The following FAM76A variants were observed in gnomAD, a reference collection of about 807,000 sequenced individuals.
FAM76A encodes the protein protein FAM76A.
In FAM76A, 32 loss-of-function variants were observed where a neutral mutation model predicts 46.2. The ratio of observed to expected loss-of-function variants is 0.69; its 90% CI spans 0.52 to 0.93. FAM76A has a LOEUF of 0.93. FAM76A is among the 40% of genes least tolerant of loss of function. The pLI is 0.00. For synonymous variants in FAM76A, 137 were observed against 127.0 expected (o/e 1.08, Z -0.53); for missense variants, 274 against 361.5 (o/e 0.76, Z 1.96).
intron 3 of FAM76A, 42 bp downstream of exon 3, chr1:27,732,699 C>A: frequency 1.4e-6 from 2 of 1,472,522 alleles, no homozygotes; most frequent in South Asian, 1.3e-5. Flanking sequence ...GTACTAGGGT[C>A]TTGTGGAACC....
intron 7 of FAM76A, 55 bp from the exon 8 acceptor site, chr1:27,759,471 A>G (rs2088466808): frequency 1.6e-6 from 2 of 1,283,014 alleles, no homozygotes; most frequent in Non-Finnish European, 1.1e-6. Context: ...TCTGAAAGCA[A>G]TTTTTTTTTA....
At chr1:27,747,790 C>T (rs1005500101) in intron 5 of FAM76A, among the ~76,000 whole-genome samples, 41 of 152,118 alleles carry the variant, frequency 2.7e-4, no homozygotes, top group African/African-American at 6.7e-4. Flanking sequence ...GTGGCTGGCG[C>T]GCACCTGTAG....
chr1:27,749,687 T>A (rs933752680), intron 6 of FAM76A, among the ~76,000 whole-genome samples: 6 of 152,170 alleles, frequency 3.9e-5, no homozygotes, highest in African/African-American at 1.4e-4. Flanking sequence ...AGTCCAGAGC[T>A]GGATGCTTTT....
intron 6 of FAM76A, among the ~76,000 whole-genome samples, chr1:27,749,400 C>T (rs1292302649): frequency 6.6e-6 from 1 of 152,174 alleles, no homozygotes; most frequent in African/African-American, 2.4e-5. Flanking sequence ...GACAGTCTCA[C>T]TCTGTCACTC....
Position 27,755,205 on chromosome 1 carries a change from G to A in FAM76A, c.610G>A (p.Asp204Asn). The stretch of plus-strand genomic sequence containing the variant: ...GATTTTTAAATTTAGCTTCTCCCCA[G>A]ACCTGGCTCTGGACTCACCAGGCAC... ...ITTNGDSFSPDLALDSPGTDH... is the reference protein window; with the variant it reads ...ITTNGDSFSPNLALDSPGTDH... The change falls in exon 7 of 9, where the codon GAC becomes AAC. Residue 204 changes from aspartate to asparagine, a missense_variant. By Grantham distance (23) the Asp-to-Asn change is conservative. Transcript: ENST00000373954. 6.2e-7 allele frequency: 1 copy of A among 1,614,118 alleles called. No homozygotes were observed. The highest frequency in any genetic ancestry group is 8.5e-7 in the Non-Finnish European group (1 of 1,180,038).
At chr1:27,738,586 C>G (rs1027939682) in intron 4 of FAM76A, among the ~76,000 whole-genome samples, 1 of 152,026 alleles carries the variant, frequency 6.6e-6, no homozygotes, top group Non-Finnish European at 1.5e-5. Flanking sequence ...TTCATTGTTA[C>G]GTTTCTTAAC....
Position 27,748,946 on chromosome 1 carries a change from A to G in FAM76A, c.513-122A>G, listed in dbSNP as rs7556193. The G allele has an allele frequency of 2.2e-3, 1,295 of 591,298 alleles. 18 individuals are homozygous for G. In the African/African-American group the frequency reaches 0.023, roughly 10 times the overall value. 36.6% of individuals were successfully genotyped at this position (591,298 alleles called of 1,614,324 possible). On this transcript the variant is annotated intron_variant, in intron 5 of 8. Transcript: ENST00000373954. ...TTGGTAGATTCTTTATTAATCAAGA[A>G]TTATTAGCTCTTGCATAGAAGAGCT...
At chr1:27,734,270 G>A (rs1303816932) in intron 4 of FAM76A, 87 bp downstream of exon 4, 38 of 1,384,710 alleles carry the variant, frequency 2.7e-5, no homozygotes, top group African/African-American at 3.0e-5. Flanking sequence ...TTAATAGGCC[G>A]GGCGTGGTGG....
rs1208479108 is a variant in FAM76A at position 27,761,120 on chromosome 1, C to T, written c.*539C>T. 1 of 151,650 alleles carries T rather than the reference C, an allele frequency of 6.6e-6. No individual in the cohort carries two copies. Among genetic ancestry groups the T allele is most frequent in the Non-Finnish European group, 1.5e-5 (1 of 67,850 alleles). The allele number at this position is 151,650 out of a possible 1,614,324, so 9.4% of individuals were successfully genotyped here. A position where few individuals can be genotyped will look rare whatever the true frequency, so the allele number is the denominator to read the frequency against. On this transcript the variant is annotated 3_prime_UTR_variant, in exon 9 of 9. Transcript: ENST00000373954. ...TAAACCTTTTGCTTCAGGGTATACT[C>T]TTCGGTTTTTTTCCAGATGTATTAT...
intron 4 of FAM76A, among the ~76,000 whole-genome samples, chr1:27,743,005 G>A (rs1379439674): frequency 6.6e-6 from 1 of 152,178 alleles, no homozygotes; most frequent in African/African-American, 2.4e-5. Flanking sequence ...GGAGGTTGCA[G>A]TGAGCTGAGA....
intron 7 of FAM76A, among the ~76,000 whole-genome samples, chr1:27,758,366 T>A (rs2088450561): frequency 6.6e-6 from 1 of 152,172 alleles, no homozygotes; most frequent in South Asian, 2.1e-4. Flanking sequence ...CATAACTACA[T>A]GACTGTCAAG....
At chr1:27,727,583 T>G (rs1198959595) in intron 2 of FAM76A, 47 bp downstream of exon 2, 2 of 1,425,942 alleles carry the variant, frequency 1.4e-6, no homozygotes, top group Non-Finnish European at 2.0e-6. Context: ...TTTTTTCCTC[T>G]TAAAATCTGT....
chr1:27,746,989 G>A (rs1017060948), intron 5 of FAM76A, among the ~76,000 whole-genome samples: 2 of 152,010 alleles, frequency 1.3e-5, no homozygotes, highest in East Asian at 1.9e-4. Flanking sequence ...TAGGAGGATC[G>A]CTTTAAGCCT....
intron 4 of FAM76A, among the ~76,000 whole-genome samples, chr1:27,738,297 C>T (rs1211557147): frequency 2.0e-5 from 3 of 151,924 alleles, no homozygotes; most frequent in African/African-American, 7.3e-5. Flanking sequence ...CGAGATCAGC[C>T]TGGCCAACAT....
chr1:27,738,433 C>T (rs572539455), intron 4 of FAM76A, among the ~76,000 whole-genome samples: 16 of 151,744 alleles, frequency 1.1e-4, no homozygotes, highest in Non-Finnish European at 8.8e-5. Context: ...GCCAAGATCA[C>T]GCCCCTGCAC....
rs778200040 is a variant in FAM76A, at chr1:27,759,946, A to AT, written c.837+326dup. The AT allele has an allele frequency of 3.0e-5, 14 of 466,832 alleles. 1 individual carries two copies. The highest frequency in any genetic ancestry group is 1.9e-4 in the South Asian group (12 of 64,554). 28.9% of individuals were successfully genotyped at this position (466,832 alleles called of 1,614,324 possible). ...CCATACCCCACTAATTTATTTTTTA[A>AT]TTTTTTTGTAGAGATGGGCTCTCGC... On this transcript the variant is annotated intron_variant, in intron 8 of 8. Transcript: ENST00000373954.
rs762027605 is a variant in FAM76A at position 27,760,681 on chromosome 1, A to G, written c.*100A>G. On this transcript the variant is annotated 3_prime_UTR_variant, in exon 9 of 9. Coordinates refer to ENST00000373954, the MANE Select transcript of FAM76A (RefSeq NM_152660.3). ...TGGGAATTGCAAGCTTTCTTAAGAA[A>G]TCTCTATTTTATTACAGTTATCCTT... 7.9e-6 allele frequency: 6 copies of G among 762,134 alleles called. No homozygotes were observed. The highest frequency in any genetic ancestry group is 1.3e-5 in the Non-Finnish European group (6 of 478,746). 47.2% of individuals were successfully genotyped at this position (762,134 alleles called of 1,614,324 possible).
intron 2 of FAM76A, among the ~76,000 whole-genome samples, chr1:27,727,968 C>A (rs765159919): frequency 6.6e-6 from 1 of 151,878 alleles, no homozygotes; most frequent in African/African-American, 2.4e-5. Context: ...CCACCATGTC[C>A]GGCTAGTTTT....
intron 8 of FAM76A, 73 bp downstream of exon 8, chr1:27,759,700 G>A: frequency 2.1e-6 from 2 of 956,064 alleles, no homozygotes; most frequent in Non-Finnish European, 1.6e-6. Context: ...TGTATTTTAA[G>A]TGATCATCTC....
Sources: gnomAD v4.1 joint callset for allele counts (sites outside exome capture counted in the v4.1 genomes callset) on GRCh38, gnomAD v4.1.1 for gene constraint, MANE v1.5 for transcripts, NCBI Gene and HGNC (gene_info 2026-07-23, HGNC 2026-07-21) for gene names.